The following ZNF385D variants were observed in gnomAD, a reference collection of about 807,000 sequenced individuals.
ZNF385D encodes zinc finger protein 385D, also known as zinc finger protein 659.
In ZNF385D, 15 loss-of-function variants were observed where a neutral mutation model predicts 35.8. The ratio of observed to expected loss-of-function variants is 0.42; its 90% CI spans 0.28 to 0.64. The LOEUF (loss-of-function observed/expected upper bound fraction) is 0.64, where lower values mean the gene tolerates loss of function less well. Among genes scored for constraint, ZNF385D ranks in the 30% least tolerant of loss-of-function variants. ZNF385D has a pLI of 0.23. For synonymous variants in ZNF385D, 212 were observed against 186.8 expected, an observed-to-expected ratio of 1.13 and a Z score of -1.10; for missense variants, 474 against 494.6, an observed-to-expected ratio of 0.96 and a Z score of 0.39.
intron 3 of ZNF385D, among the ~76,000 whole-genome samples, chr3:21,848,683 C>T (rs7632013): frequency 0.038 from 5,836 of 151,890 alleles, 389 homozygotes; most frequent in African/African-American, 0.13. Flanking sequence ...AAGACAGAAT[C>T]GTAAAGAAAT....
intron 2 of ZNF385D, among the ~76,000 whole-genome samples, chr3:22,199,276 T>C (rs1328682918): frequency 6.6e-6 from 1 of 152,114 alleles, no homozygotes; most frequent in East Asian, 1.9e-4. Context: ...ACATTTTACA[T>C]CTCAGATCAG....
chr3:21,750,294 T>C (rs1457834189), intron 1 of ZNF385D, among the ~76,000 whole-genome samples: 1 of 152,226 alleles, frequency 6.6e-6, no homozygotes, highest in Non-Finnish European at 1.5e-5. Context: ...GGCACAAAAC[T>C]GACCTGCACA....
intron 2 of ZNF385D, among the ~76,000 whole-genome samples, chr3:22,194,315 T>G (rs2125230820): frequency 6.6e-6 from 1 of 151,972 alleles, no homozygotes; most frequent in East Asian, 1.9e-4. Flanking sequence ...CAAACTATAT[T>G]TACCCTAGGG....
At chr3:21,506,639 C>T (rs928728539) in intron 4 of ZNF385D, among the ~76,000 whole-genome samples, 2 of 152,152 alleles carry the variant, frequency 1.3e-5, no homozygotes, top group African/African-American at 4.8e-5. Flanking sequence ...TATTTAAAAA[C>T]ACTTGCTAGA....
chr3:21,425,723 G>A, intron 5 of ZNF385D, 53 bp from the exon 6 acceptor site: 1 of 1,470,032 alleles, frequency 6.8e-7, no homozygotes, highest in African/African-American at 1.4e-5. Context: ...AGAAGGGAGG[G>A]AGAGAAGGAG....
intron 2 of ZNF385D, among the ~76,000 whole-genome samples, chr3:22,263,441 T>G (rs1700737048): frequency 6.6e-6 from 1 of 152,038 alleles, no homozygotes; most frequent in Non-Finnish European, 1.5e-5. Context: ...TAGAGAGACT[T>G]TCTTTGACTA....
At chr3:21,873,717 T>C (rs1162585187) in intron 3 of ZNF385D, among the ~76,000 whole-genome samples, 1 of 152,100 alleles carries the variant, frequency 6.6e-6, no homozygotes, top group Non-Finnish European at 1.5e-5. Flanking sequence ...AACTTCTGTA[T>C]GTAGAATCAT....
At chr3:21,492,333 A>G (rs1004858601) in intron 4 of ZNF385D, among the ~76,000 whole-genome samples, 1 of 152,010 alleles carries the variant, frequency 6.6e-6, no homozygotes, top group Non-Finnish European at 1.5e-5. Context: ...CTTGATGACA[A>G]AGTGCCCACA....
chr3:21,620,051 G>T (rs1269918572), intron 2 of ZNF385D, among the ~76,000 whole-genome samples: 1 of 152,156 alleles, frequency 6.6e-6, no homozygotes, highest in Non-Finnish European at 1.5e-5. Context: ...GCACCGGTAT[G>T]ATTAACTGGA....
intron 3 of ZNF385D, chr3:22,168,375 T>A (rs745672271): frequency 1.3e-5 from 2 of 152,222 alleles, no homozygotes; most frequent in African/African-American, 4.8e-5. Context: ...TAACAGATCA[T>A]AGTTTATTGA....
intron 3 of ZNF385D, among the ~76,000 whole-genome samples, chr3:21,763,459 C>G (rs550707007): frequency 6.6e-6 from 1 of 152,220 alleles, no homozygotes; most frequent in Admixed American, 6.5e-5. Flanking sequence ...TGAGGATGAA[C>G]AAATACATCA....
chr3:21,992,117 C>T (rs1695186287), intron 3 of ZNF385D, among the ~76,000 whole-genome samples: 1 of 152,150 alleles, frequency 6.6e-6, no homozygotes, highest in Non-Finnish European at 1.5e-5. Context: ...GCCCAGCAAT[C>T]AGTACATTAT....
At chr3:21,756,162 C>T (rs993809161), upstream of ZNF385D, among the ~76,000 whole-genome samples, 2 of 152,120 alleles carry the variant, frequency 1.3e-5, no homozygotes, top group African/African-American at 4.8e-5. Context: ...GGTTAGGAAG[C>T]CTTTGTAGTA....
rs538174675 is a variant in ZNF385D, at chr3:22,070,994, A to T, written c.325+97823T>A. Reference sequence around the variant, plus strand: ...GGCATTCTCCAGTCTGCCAAAATTGAAAGATTTTTACCTGTTCAGTTGCCA... The same window carrying T: ...GGCATTCTCCAGTCTGCCAAAATTGTAAGATTTTTACCTGTTCAGTTGCCA... On this transcript the variant is annotated intron_variant, in intron 3 of 5. Transcript: ENST00000494108. 6.6e-5 allele frequency among the ~76,000 whole-genome samples: 10 copies of T among 152,272 alleles called. No homozygotes were observed. The East Asian group carries it at 9.6e-4, about 15-fold the overall frequency.
chr3:21,508,969 C>CTT (rs200174782), intron 4 of ZNF385D, among the ~76,000 whole-genome samples: 83,140 of 142,150 alleles, frequency 0.58, 24,081 homozygotes, highest in East Asian at 0.7. Flanking sequence ...CACCTGGGGG[C>CTT]TTTTTTTTTT....
At chr3:21,651,123 C>CAAAAAATACA (rs1315965142) in intron 2 of ZNF385D, among the ~76,000 whole-genome samples, 2 of 140,618 alleles carry the variant, frequency 1.4e-5, no homozygotes, top group African/African-American at 5.3e-5. Flanking sequence ...ACTAAAAATA[C>CAAAAAATACA]AAAAAAAAAA....
intron 2 of ZNF385D, among the ~76,000 whole-genome samples, chr3:22,278,378 A>G (rs1701541851): frequency 6.6e-6 from 1 of 152,120 alleles, no homozygotes; most frequent in Non-Finnish European, 1.5e-5. Context: ...GATTCATTGA[A>G]TAATCTGAGC....
intron 3 of ZNF385D, among the ~76,000 whole-genome samples, chr3:21,964,823 T>C (rs1702816501): frequency 6.6e-6 from 1 of 152,100 alleles, no homozygotes; most frequent in South Asian, 2.1e-4. Context: ...AACATAATTC[T>C]TTGTTGTATG....
intron 3 of ZNF385D, among the ~76,000 whole-genome samples, chr3:21,974,232 A>G (rs947683442): frequency 6.6e-6 from 1 of 152,110 alleles, no homozygotes; most frequent in African/African-American, 2.4e-5. Flanking sequence ...AGACATATAG[A>G]CCAGTGGAAC....
Sources: allele counts gnomAD v4.1 joint callset (sites outside exome capture counted in the v4.1 genomes callset), GRCh38; gene constraint gnomAD v4.1.1; transcripts MANE v1.5; gene names NCBI Gene and HGNC (gene_info 2026-07-23, HGNC 2026-07-21).